Variants in GNA12 observed in about 807,000 individuals in gnomAD.
GNA12 encodes G protein subunit alpha 12.
GNA12 carries 9 observed loss-of-function variants against 26.0 expected under a neutral mutation model. That is an observed-to-expected ratio of 0.35 (90% CI 0.21 to 0.60). The LOEUF (loss-of-function observed/expected upper bound fraction) is 0.60, where lower values mean the gene tolerates loss of function less well. Ranked by LOEUF, GNA12 falls within the 20% of genes least tolerant of loss-of-function variation. The pLI is 0.78. For synonymous variants in GNA12, 264 were observed against 219.6 expected (o/e 1.20, Z -1.79); for missense variants, 405 against 525.8 (o/e 0.77, Z 2.25).
At chr7:2,820,633 T>C (rs1395555232) in intron 1 of GNA12, among the ~76,000 whole-genome samples, 3 of 152,248 alleles carry the variant, frequency 2.0e-5, no homozygotes, top group Non-Finnish European at 2.9e-5. Flanking sequence ...TGGCAGCTGC[T>C]TGTTGTCCAG....
At chr7:2,768,480 T>A (rs1791862659) in intron 2 of GNA12, among the ~76,000 whole-genome samples, 1 of 152,106 alleles carries the variant, frequency 6.6e-6, no homozygotes, top group African/African-American at 2.4e-5. Context: ...CTGCGTGAAA[T>A]GAAATCACAT....
intron 1 of GNA12, among the ~76,000 whole-genome samples, chr7:2,804,419 C>T (rs913962954): frequency 2.6e-5 from 4 of 152,140 alleles, no homozygotes; most frequent in Non-Finnish European, 5.9e-5. Flanking sequence ...GTACATACAC[C>T]GGGTTCCTCT....
At chr7:2,761,219 C>G (rs1030362530) in intron 2 of GNA12, among the ~76,000 whole-genome samples, 1 of 152,282 alleles carries the variant, frequency 6.6e-6, no homozygotes, top group Admixed American at 6.5e-5. Context: ...ACAGCAGCCC[C>G]GGCTCTGCTA....
chr7:2,750,691 A>G (rs1790989832), intron 2 of GNA12, among the ~76,000 whole-genome samples: 1 of 152,224 alleles, frequency 6.6e-6, no homozygotes, highest in Non-Finnish European at 1.5e-5. Flanking sequence ...GAAGCCACGG[A>G]CACGGGGGAC....
At chr7:2,823,798 T>C (rs1222791484) in intron 1 of GNA12, among the ~76,000 whole-genome samples, 1 of 152,190 alleles carries the variant, frequency 6.6e-6, no homozygotes, top group African/African-American at 2.4e-5. Flanking sequence ...GTAAACTTCA[T>C]AGAATAAAGA....
At chr7:2,825,655 AG>A (rs1379639292) in intron 1 of GNA12, among the ~76,000 whole-genome samples, 2 of 152,194 alleles carry the variant, frequency 1.3e-5, no homozygotes, top group Admixed American at 1.3e-4. Flanking sequence ...GGGCCGCTAT[AG>A]TTTTGTAAAC....
intron 2 of GNA12, among the ~76,000 whole-genome samples, chr7:2,742,371 G>C (rs139933446): frequency 1.3e-5 from 2 of 152,090 alleles, no homozygotes; most frequent in Non-Finnish European, 2.9e-5. Context: ...GGGTTTTTGC[G>C]ATGTCTCCAG....
intron 2 of GNA12, among the ~76,000 whole-genome samples, chr7:2,739,070 GGT>G (rs1562396318): frequency 2.0e-5 from 3 of 152,170 alleles, no homozygotes; most frequent in Non-Finnish European, 4.4e-5. Flanking sequence ...GGCTCCGCAG[GGT>G]GTGTCCTCGG....
At chr7:2,816,393 G>T (rs1312183492) in intron 1 of GNA12, among the ~76,000 whole-genome samples, 2 of 152,126 alleles carry the variant, frequency 1.3e-5, no homozygotes, top group East Asian at 3.9e-4. Context: ...ACTATGCCCA[G>T]CTAATTTTTG....
intron 1 of GNA12, among the ~76,000 whole-genome samples, chr7:2,810,764 G>A (rs1410267475): frequency 2.6e-5 from 4 of 152,182 alleles, no homozygotes; most frequent in African/African-American, 4.8e-5. Flanking sequence ...TGAGCATGGT[G>A]GCAGGTGCCT....
chr7:2,824,758 T>C (rs1479173414), intron 1 of GNA12, among the ~76,000 whole-genome samples: 1 of 152,208 alleles, frequency 6.6e-6, no homozygotes, highest in African/African-American at 2.4e-5. Context: ...TTCCAGGATT[T>C]TAACAATGCA....
chr7:2,735,554 G>A (rs1396669698), intron 2 of GNA12, among the ~76,000 whole-genome samples: 1 of 152,264 alleles, frequency 6.6e-6, no homozygotes, highest in African/African-American at 2.4e-5. Context: ...CAGGAGGGAC[G>A]TTTCCCTCGG....
intron 2 of GNA12, among the ~76,000 whole-genome samples, chr7:2,782,947 AT>A (rs1450364506): frequency 6.6e-6 from 1 of 152,216 alleles, no homozygotes; most frequent in Non-Finnish European, 1.5e-5. Context: ...TAAATGTTCA[AT>A]TCTAGAATTT....
rs182519685 is a variant in GNA12, at chr7:2,826,734, G to A, written c.309+17119C>T. Among the ~76,000 whole-genome samples, 363 of 152,334 alleles carry A rather than the reference G, an allele frequency of 2.4e-3. 1 individual carries two copies. Among genetic ancestry groups the A allele is most frequent in the Admixed American group, 4.0e-3 (61 of 15,298 alleles). On this transcript the variant is annotated intron_variant, in intron 1 of 3. Transcript: ENST00000275364. ...CCAACTACAGGACATTCTGGAAAAGGAAAAACGATGGAGACAGTAAACGCT... is the reference window on the plus strand; with the variant it reads ...CCAACTACAGGACATTCTGGAAAAGAAAAAACGATGGAGACAGTAAACGCT...
chr7:2,791,992 T>A (rs908202150), intron 2 of GNA12, among the ~76,000 whole-genome samples: 1 of 152,210 alleles, frequency 6.6e-6, no homozygotes, highest in African/African-American at 2.4e-5. Context: ...TACAAATGCA[T>A]CACTGACTAC....
chr7:2,809,069 C>A (rs1793016329), intron 1 of GNA12, among the ~76,000 whole-genome samples: 1 of 152,190 alleles, frequency 6.6e-6, no homozygotes, highest in Non-Finnish European at 1.5e-5. Flanking sequence ...GCACCCCAGG[C>A]CCATCCTTCC....
chr7:2,743,961 G>A (rs576680556), intron 2 of GNA12, among the ~76,000 whole-genome samples: 41 of 152,236 alleles, frequency 2.7e-4, no homozygotes, highest in Middle Eastern at 3.4e-3. Flanking sequence ...AGGCAGCAGC[G>A]AGGCTGGGGG....
chr7:2,757,638 A>C (rs1791366756), intron 2 of GNA12, among the ~76,000 whole-genome samples: 1 of 152,192 alleles, frequency 6.6e-6, no homozygotes, highest in Non-Finnish European at 1.5e-5. Flanking sequence ...GCACATTGGG[A>C]GATCATTACA....
chr7:2,814,775 T>C (rs1277131143), intron 1 of GNA12: 5 of 1,096,608 alleles, frequency 4.6e-6, no homozygotes, highest in East Asian at 2.6e-5. Context: ...ACACACATCC[T>C]AGAAAGGGTT....
Sources: allele counts gnomAD v4.1 joint callset (sites outside exome capture counted in the v4.1 genomes callset), GRCh38; gene constraint gnomAD v4.1.1; transcripts MANE v1.5; gene names NCBI Gene and HGNC (gene_info 2026-07-23, HGNC 2026-07-21).